CCDC171: variants seen among roughly 807,000 people sequenced by gnomAD.
The protein encoded by CCDC171 is coiled-coil domain containing 171.
Under a neutral mutation model 168.2 loss-of-function variants are expected in CCDC171, and 177 were observed. That is an observed-to-expected ratio of 1.05 (90% CI 0.93 to 1.19). CCDC171 has a LOEUF of 1.19. Among genes scored for constraint, CCDC171 ranks in the 50% most tolerant of loss-of-function variants. The pLI is 0.00. For missense variants in CCDC171, 1,991 were observed against 1,539.0 expected (o/e 1.29, Z -4.91); for synonymous variants, 687 against 540.8 (o/e 1.27, Z -3.75).
chr9:15,728,122 A>G, intron 15 of CCDC171, 86 bp downstream of exon 15: 1 of 1,009,876 alleles, frequency 9.9e-7, no homozygotes, highest in Non-Finnish European at 1.4e-6. Flanking sequence ...GCTGACATTC[A>G]TCTTATTTCA....
intron 2 of CCDC171, among the ~76,000 whole-genome samples, chr9:15,568,267 CTTTTTTTTT>C (rs554021809): frequency 3.5e-4 from 45 of 126,864 alleles, no homozygotes; most frequent in Non-Finnish European, 6.1e-4. Context: ...TCCAATACAT[CTTTTTTTTT>C]TTTTTTTTTT....
At chr9:15,983,086 CCTATT>C (rs1475172672) in intron 3 of CCDC171, among the ~76,000 whole-genome samples, 6 of 152,122 alleles carry the variant, frequency 3.9e-5, no homozygotes, top group Admixed American at 3.9e-4. Context: ...TCTTGAAGCT[CCTATT>C]CTAGCTTTCA....
At chr9:15,863,992 C>T (rs1025983732) in intron 23 of CCDC171, among the ~76,000 whole-genome samples, 11 of 152,026 alleles carry the variant, frequency 7.2e-5, no homozygotes, top group Non-Finnish European at 1.0e-4. Context: ...TCCTTTGTCA[C>T]GTATAGCAAC....
intron 25 of CCDC171, among the ~76,000 whole-genome samples, chr9:15,932,758 T>C (rs1477232403): frequency 6.6e-6 from 1 of 151,994 alleles, no homozygotes; most frequent in African/African-American, 2.4e-5. Context: ...TAGGCCTTTA[T>C]TGTTTTGAGG....
chr9:16,001,753 A>G (rs1204470337), intron 3 of CCDC171, among the ~76,000 whole-genome samples: 2 of 152,142 alleles, frequency 1.3e-5, no homozygotes, highest in African/African-American at 2.4e-5. Context: ...GCTGCAAGTA[A>G]TAGAAAAGTC....
At chr9:15,644,465 C>T (rs2046879230) in intron 7 of CCDC171, among the ~76,000 whole-genome samples, 1 of 152,156 alleles carries the variant, frequency 6.6e-6, no homozygotes, top group Non-Finnish European at 1.5e-5. Context: ...CCGGGAAGTG[C>T]AAGGGGTCAG....
At chr9:16,095,910 A>G in the CCDC171 span, among the ~76,000 whole-genome samples, 1 of 144,692 alleles carries the variant, frequency 6.9e-6, no homozygotes, top group East Asian at 2.0e-4. Context: ...ACTGCCTCCA[A>G]CATATGATAT....
chr9:15,731,387 A>G (rs759247950), intron 16 of CCDC171, among the ~76,000 whole-genome samples: 2 of 152,058 alleles, frequency 1.3e-5, no homozygotes, highest in Admixed American at 6.6e-5. Context: ...ATAGGCAACC[A>G]TTGTTCTGAT....
At chr9:15,899,291 A>T (rs569719387) in intron 24 of CCDC171, among the ~76,000 whole-genome samples, 197 of 152,312 alleles carry the variant, frequency 1.3e-3, no homozygotes, top group African/African-American at 4.6e-3. Context: ...ATAAAGTTGC[A>T]TTGAACATTT....
rs34465887 is a variant in CCDC171 at position 15,669,952 on chromosome 9, T to TA, written c.1076+3651dup. Among the ~76,000 whole-genome samples, 732 of 112,290 alleles carry TA rather than the reference T, an allele frequency of 6.5e-3. 6 individuals are homozygous for TA. Among genetic ancestry groups the TA allele is most frequent in the African/African-American group, 0.023 (691 of 29,982 alleles). The allele number at this position is 112,290 out of a possible 152,430, so 73.7% of individuals were successfully genotyped here. On this transcript the variant is annotated intron_variant, in intron 9 of 25. Coordinates refer to ENST00000380701, the MANE Select transcript of CCDC171 (RefSeq NM_173550.4). ...ATTGTCAAATTCTTAGCTGAAGTCT[T>TA]AAAAAAAAAAAAAAAAAAAAAAGAA...
chr9:15,789,476 C>T (rs2058135318), intron 21 of CCDC171, among the ~76,000 whole-genome samples: 1 of 152,084 alleles, frequency 6.6e-6, no homozygotes, highest in Non-Finnish European at 1.5e-5. Context: ...AATAGTATTC[C>T]ATTGTTTTAA....
intron 24 of CCDC171, among the ~76,000 whole-genome samples, chr9:15,898,105 A>G (rs542822741): frequency 2.0e-5 from 3 of 152,308 alleles, no homozygotes; most frequent in African/African-American, 7.2e-5. Flanking sequence ...AGCTTATAAC[A>G]TGGTGTCTGG....
intron 24 of CCDC171, among the ~76,000 whole-genome samples, chr9:15,917,389 C>T (rs1042483640): frequency 3.3e-5 from 5 of 151,672 alleles, no homozygotes; most frequent in Non-Finnish European, 7.4e-5. Flanking sequence ...CACTATTATA[C>T]AAATTTTATT....
chr9:15,664,445 C>T (rs1420976980), intron 8 of CCDC171, among the ~76,000 whole-genome samples: 1 of 151,912 alleles, frequency 6.6e-6, no homozygotes, highest in African/African-American at 2.4e-5. Context: ...GATGGGGTTT[C>T]ACCATGTTTC....
At chr9:15,908,887 T>A (rs556880438) in intron 24 of CCDC171, among the ~76,000 whole-genome samples, 2 of 152,256 alleles carry the variant, frequency 1.3e-5, no homozygotes, top group South Asian at 2.1e-4. Context: ...ATGATCCAAA[T>A]ACCTCCCACC....
intron 21 of CCDC171, among the ~76,000 whole-genome samples, chr9:15,806,256 G>A (rs1285935713): frequency 1.3e-5 from 2 of 152,140 alleles, no homozygotes; most frequent in African/African-American, 4.8e-5. Context: ...ATTGTTATGT[G>A]TAGATGTGGT....
At chr9:15,569,035 T>G (rs1182939463) in intron 2 of CCDC171, among the ~76,000 whole-genome samples, 1 of 152,226 alleles carries the variant, frequency 6.6e-6, no homozygotes, top group African/African-American at 2.4e-5. Context: ...TCAAACATAT[T>G]TGTTAGTCTT....
At chr9:16,037,117 A>G (rs1216963383) in intron 8 of CCDC171, among the ~76,000 whole-genome samples, 1 of 152,206 alleles carries the variant, frequency 6.6e-6, no homozygotes, top group Non-Finnish European at 1.5e-5. Context: ...TTTATTGTAT[A>G]TTTTTCAAAT....
At chr9:15,680,683 T>A (rs998170702) in intron 10 of CCDC171, among the ~76,000 whole-genome samples, 1 of 152,192 alleles carries the variant, frequency 6.6e-6, no homozygotes, top group Non-Finnish European at 1.5e-5. Context: ...GAGCCCTCTG[T>A]GTAGTCTACT....
Sources: gnomAD v4.1 joint callset for allele counts (sites outside exome capture counted in the v4.1 genomes callset) on GRCh38, gnomAD v4.1.1 for gene constraint, MANE v1.5 for transcripts, NCBI Gene and HGNC (gene_info 2026-07-23, HGNC 2026-07-21) for gene names.